The following RAB2A variants were observed in gnomAD, a reference collection of about 807,000 sequenced individuals.
The protein encoded by RAB2A is RAB2A, member RAS oncogene family.
Under a neutral mutation model 32.5 loss-of-function variants are expected in RAB2A, and 7 were observed. The ratio of observed to expected loss-of-function variants is 0.22; its 90% CI spans 0.12 to 0.40. The LOEUF is 0.40. Among genes scored for constraint, RAB2A ranks in the 10% least tolerant of loss-of-function variants. RAB2A has a pLI of 1.00. For synonymous variants in RAB2A, 79 were observed against 85.2 expected, an observed-to-expected ratio of 0.93 and a Z score of 0.40; for missense variants, 108 against 260.7, an observed-to-expected ratio of 0.41 and a Z score of 4.03.
chr8:60,610,692 C>T lies in RAB2A; in HGVS notation c.475-7888C>T, dbSNP rs562210147. ...TCACCTCTAATTTGGCCATCATCCC[C>T]GGAACTTCATAGATGATCCAAACTC... is the stretch of plus-strand genomic sequence containing the variant. On this transcript the variant is annotated intron_variant, in intron 6 of 7. Coordinates refer to ENST00000262646, the MANE Select transcript of RAB2A (RefSeq NM_002865.3). Among the ~76,000 whole-genome samples, 14 of 152,268 alleles carry T rather than the reference C, an allele frequency of 9.2e-5. No individual in the cohort carries two copies. In the South Asian group the frequency reaches 1.5e-3, roughly 16 times the overall value.
chr8:60,520,891 A>G (rs1435309840), intron 1 of RAB2A, among the ~76,000 whole-genome samples: 1 of 152,122 alleles, frequency 6.6e-6, no homozygotes, highest in Non-Finnish European at 1.5e-5. Flanking sequence ...CGGCTCACTC[A>G]CTACAGCTTC....
At chr8:60,523,729 C>T (rs534247261) in intron 1 of RAB2A, among the ~76,000 whole-genome samples, 35 of 143,264 alleles carry the variant, frequency 2.4e-4, no homozygotes, top group Admixed American at 7.2e-4. Context: ...CTCGCTTTGT[C>T]GCCCAGGCTA....
At chr8:60,557,517 A>G (rs750265024) in intron 1 of RAB2A, among the ~76,000 whole-genome samples, 6 of 152,166 alleles carry the variant, frequency 3.9e-5, no homozygotes, top group Non-Finnish European at 1.5e-5. Context: ...CTTCATCTCA[A>G]AAAAACAAAC....
At chr8:60,554,914 A>C (rs1807912227) in intron 1 of RAB2A, among the ~76,000 whole-genome samples, 1 of 152,198 alleles carries the variant, frequency 6.6e-6, no homozygotes, top group South Asian at 2.1e-4. Flanking sequence ...CGTCCTCTCA[A>C]ATGAAAAGTA....
chr8:60,591,900 A>T lies in RAB2A; in HGVS notation c.405A>T (p.Glu135Asp), dbSNP rs571157583. The T allele has an allele frequency of 6.2e-7, 1 of 1,612,986 alleles. No homozygotes were observed. Among genetic ancestry groups the T allele is most frequent in the Non-Finnish European group, 8.5e-7 (1 of 1,179,228 alleles). ...SRREVKKEEG[E>D]AFAREHGLIF... is the part of the protein sequence containing the mutation. Reference sequence around the variant, plus strand: ...GAGAAGTAAAAAAAGAAGAAGGTGAAGCTTTTGCACGAGAACATGGACTCA... The same window carrying T: ...GAGAAGTAAAAAAAGAAGAAGGTGATGCTTTTGCACGAGAACATGGACTCA... Residue 135 changes from glutamate (E) to aspartate (D), a missense_variant, in exon 6 of 8, where the codon GAA becomes GAT. By Grantham distance (45) the Glu-to-Asp change is conservative. Coordinates refer to ENST00000262646, the MANE Select transcript of RAB2A (RefSeq NM_002865.3).
chr8:60,615,031 C>A (rs1804425657), intron 6 of RAB2A, among the ~76,000 whole-genome samples: 1 of 152,198 alleles, frequency 6.6e-6, no homozygotes, highest in African/African-American at 2.4e-5. Flanking sequence ...ACAGTGAAAT[C>A]ATTGAAACAA....
At chr8:60,543,404 T>G (rs1351038835) in intron 1 of RAB2A, among the ~76,000 whole-genome samples, 6 of 151,990 alleles carry the variant, frequency 3.9e-5, no homozygotes, top group African/African-American at 1.5e-4. Context: ...TCTCTATCCC[T>G]GTCTTCATTC....
chr8:60,566,891 A>T (rs951851205), intron 2 of RAB2A, among the ~76,000 whole-genome samples: 3 of 152,132 alleles, frequency 2.0e-5, no homozygotes, highest in African/African-American at 7.2e-5. Context: ...TTCACTGAGG[A>T]TAATGGCCTT....
intron 3 of RAB2A, among the ~76,000 whole-genome samples, chr8:60,575,599 G>C (rs954530010): frequency 3.4e-5 from 5 of 146,326 alleles, no homozygotes; most frequent in African/African-American, 1.3e-4. Context: ...GTTATTATTT[G>C]TTTTATCAGC....
chr8:60,620,825 C>A lies in RAB2A; in HGVS notation c.*56C>A. 7.0e-7 allele frequency: 1 copy of A among 1,419,332 alleles called. No individual in the cohort carries two copies. The highest frequency in any genetic ancestry group is 9.6e-7 in the Non-Finnish European group (1 of 1,036,850). The allele number at this position is 1,419,332 out of a possible 1,614,324, so 87.9% of individuals were successfully genotyped here. On this transcript the variant is annotated 3_prime_UTR_variant, in exon 8 of 8. Coordinates refer to ENST00000262646, the MANE Select transcript of RAB2A (RefSeq NM_002865.3). ...GGCCTACTCACTTATTCTTTCACCC[C>A]CTCTCCTCCTGCTCAGCTGAGACAT...
At chr8:60,550,514 A>T (rs1807829681) in intron 1 of RAB2A, among the ~76,000 whole-genome samples, 1 of 151,722 alleles carries the variant, frequency 6.6e-6, no homozygotes, top group Non-Finnish European at 1.5e-5. Flanking sequence ...CCCCCATGTA[A>T]CTGGGACTAA....
chr8:60,516,933 C>G (rs1807211556), upstream of RAB2A: 1 of 331,086 alleles, frequency 3.0e-6, no homozygotes, highest in Non-Finnish European at 5.5e-6. Context: ...CGCCGGCGGC[C>G]GCAGAACTTC....
chr8:60,554,962 A>G (rs1294429745), intron 1 of RAB2A, among the ~76,000 whole-genome samples: 1 of 152,252 alleles, frequency 6.6e-6, no homozygotes, highest in East Asian at 1.9e-4. Flanking sequence ...GAAGACCTCC[A>G]GTATTTTCAG....
chr8:60,545,627 G>T (rs1302129054), intron 1 of RAB2A, among the ~76,000 whole-genome samples: 2 of 152,148 alleles, frequency 1.3e-5, no homozygotes, highest in African/African-American at 2.4e-5. Flanking sequence ...TTACCTCATT[G>T]ACTTGGTATT....
intron 6 of RAB2A, 80 bp downstream of exon 6, chr8:60,592,049 A>G: frequency 3.5e-6 from 3 of 848,022 alleles, no homozygotes; most frequent in Non-Finnish European, 5.4e-6. Flanking sequence ...CTTATTATTT[A>G]AGTTTTTAGT....
chr8:60,580,827 C>G (rs1273004799), intron 3 of RAB2A, among the ~76,000 whole-genome samples: 1 of 152,108 alleles, frequency 6.6e-6, no homozygotes, highest in Non-Finnish European at 1.5e-5. Flanking sequence ...TATCTAGGCT[C>G]TAAACTGGAA....
At chr8:60,600,946 G>A (rs940136754) in intron 6 of RAB2A, among the ~76,000 whole-genome samples, 1 of 152,114 alleles carries the variant, frequency 6.6e-6, no homozygotes, top group African/African-American at 2.4e-5. Flanking sequence ...ATGTTACACG[G>A]GATTCTTCTG....
intron 3 of RAB2A, among the ~76,000 whole-genome samples, chr8:60,575,558 C>T (rs1808259329): frequency 6.6e-6 from 1 of 151,840 alleles, no homozygotes; most frequent in Non-Finnish European, 1.5e-5. Context: ...CAAAACCATC[C>T]TAGAGTCCTT....
intron 3 of RAB2A, among the ~76,000 whole-genome samples, chr8:60,573,029 C>CT (rs1242105657): frequency 6.6e-6 from 1 of 151,850 alleles, no homozygotes; most frequent in African/African-American, 2.4e-5. Flanking sequence ...TGCACTGAGC[C>CT]TTACGTATGT....
Sources: gnomAD v4.1 joint callset for allele counts (sites outside exome capture counted in the v4.1 genomes callset) on GRCh38, gnomAD v4.1.1 for gene constraint, MANE v1.5 for transcripts, NCBI Gene and HGNC (gene_info 2026-07-23, HGNC 2026-07-21) for gene names.